The following PCSK5 variants were observed in gnomAD, a reference collection of about 807,000 sequenced individuals.
PCSK5 encodes prohormone convertase 5.
In PCSK5, 129 loss-of-function variants were observed where a neutral mutation model predicts 233.2. The observed-to-expected ratio is 0.55, with a 90% CI of 0.48 to 0.64. The LOEUF is 0.64. PCSK5 is among the 30% of genes least tolerant of loss of function. The pLI, the probability that PCSK5 is intolerant of heterozygous loss-of-function variation, is 0.00. For synonymous variants in PCSK5, 825 were observed against 879.2 expected (o/e 0.94, Z 1.09); for missense variants, 2,076 against 2,430.1 (o/e 0.85, Z 3.06).
At chr9:76,294,102 C>T (rs1461256507) in intron 25 of PCSK5, among the ~76,000 whole-genome samples, 1 of 148,810 alleles carries the variant, frequency 6.7e-6, no homozygotes, top group African/African-American at 2.5e-5. Context: ...GAAGCTGAGG[C>T]AAGAGAATCA....
chr9:76,072,559 T>C (rs2131604734), intron 7 of PCSK5, among the ~76,000 whole-genome samples: 1 of 152,338 alleles, frequency 6.6e-6, no homozygotes, highest in Non-Finnish European at 1.5e-5. Flanking sequence ...GGAGGAGAGC[T>C]CCACCAGAAG....
chr9:76,329,306 C>A (rs1312091601), intron 33 of PCSK5, among the ~76,000 whole-genome samples: 1 of 151,696 alleles, frequency 6.6e-6, no homozygotes, highest in African/African-American at 2.4e-5. Context: ...ATGCCTGGCC[C>A]TTCCATGTCA....
intron 9 of PCSK5, among the ~76,000 whole-genome samples, 157 bp from the exon 10 acceptor site, chr9:76,133,952 C>T (rs1341566043): frequency 6.6e-6 from 1 of 152,022 alleles, no homozygotes; most frequent in Non-Finnish European, 1.5e-5. Context: ...AGAACAAGAG[C>T]GGCATTTGGC....
At chr9:75,986,341 G>T in intron 3 of PCSK5, 96 bp downstream of exon 3, 1 of 746,016 alleles carries the variant, frequency 1.3e-6, no homozygotes, top group South Asian at 1.6e-5. Flanking sequence ...CAGAAATACT[G>T]ACCAGGGATT....
At chr9:76,108,076 C>T (rs546062407) in intron 9 of PCSK5, among the ~76,000 whole-genome samples, 3 of 152,258 alleles carry the variant, frequency 2.0e-5, no homozygotes, top group African/African-American at 7.2e-5. Flanking sequence ...GCCATAAACT[C>T]ATTTGAGGCT....
At chr9:76,026,893 C>A in intron 4 of PCSK5, 68 bp from the exon 5 acceptor site, 3 of 1,010,352 alleles carry the variant, frequency 3.0e-6, no homozygotes, top group Non-Finnish European at 4.6e-6. Context: ...AATGCATGAG[C>A]CTGTGGGTCA....
intron 1 of PCSK5, among the ~76,000 whole-genome samples, chr9:75,915,536 T>G (rs1382890815): frequency 6.6e-6 from 1 of 152,210 alleles, no homozygotes; most frequent in Admixed American, 6.5e-5. Flanking sequence ...TGACAGACCG[T>G]TGGCATGTTA....
intron 1 of PCSK5, among the ~76,000 whole-genome samples, chr9:75,928,959 C>T (rs1373848157): frequency 7.4e-6 from 1 of 135,642 alleles, no homozygotes; most frequent in African/African-American, 3.1e-5. Flanking sequence ...ATTTATGAGA[C>T]ACAGTCTTGC....
chr9:75,914,103 G>A (rs758081568), intron 1 of PCSK5, among the ~76,000 whole-genome samples: 10 of 152,120 alleles, frequency 6.6e-5, no homozygotes, highest in Admixed American at 1.3e-4. Flanking sequence ...TCTACAAATC[G>A]TGTCACAAAT....
At chr9:75,930,120 C>T (rs1292307111) in intron 1 of PCSK5, among the ~76,000 whole-genome samples, 1 of 152,136 alleles carries the variant, frequency 6.6e-6, no homozygotes, top group Non-Finnish European at 1.5e-5. Context: ...ATTTCGGCCT[C>T]CCAAAGTGCT....
chr9:76,116,189 A>G (rs566915657), intron 9 of PCSK5, among the ~76,000 whole-genome samples: 1 of 152,110 alleles, frequency 6.6e-6, no homozygotes, highest in Non-Finnish European at 1.5e-5. Flanking sequence ...CATCAACAAG[A>G]TGATTATGAC....
At chr9:75,908,917 ATCTATCTCTCTATCTCTCTCTCTG>A (rs1268465701) in intron 1 of PCSK5, among the ~76,000 whole-genome samples, 1 of 116,572 alleles carries the variant, frequency 8.6e-6, no homozygotes, top group African/African-American at 3.0e-5. Context: ...CTATCTATCT[ATCTATCTCTCTATCTCTCTCTCTG>A]TCTATCTATC....
At position 76,359,029 on chromosome 9, in the gene PCSK5, T is replaced by C. The variant is rs1830376357; in HGVS notation, c.*107T>C. ...CAGGCTGATGTGTGAGTTTTTCTAT[T>C]TGTCTTCTTTAACCATGAGTCCAAC... On this transcript the variant is annotated 3_prime_UTR_variant, in exon 38 of 38. Transcript: ENST00000674117. 1.6e-5 allele frequency: 14 copies of C among 861,068 alleles called. No individual in the cohort carries two copies. In the South Asian group the frequency reaches 2.0e-4, roughly 12 times the overall value. The allele number at this position is 861,068 out of a possible 1,614,324, so 53.3% of individuals were successfully genotyped here.
intron 24 of PCSK5, among the ~76,000 whole-genome samples, chr9:76,271,925 C>T (rs1177585677): frequency 1.3e-5 from 2 of 152,236 alleles, no homozygotes; most frequent in East Asian, 3.9e-4. Flanking sequence ...GTCTGTGTGT[C>T]TGTGTCTTCA....
intron 35 of PCSK5, among the ~76,000 whole-genome samples, chr9:76,341,161 A>G (rs564172307): frequency 5.3e-5 from 8 of 152,076 alleles, no homozygotes; most frequent in Non-Finnish European, 8.8e-5. Context: ...GGATGTCAAG[A>G]CAGCAGTGAG....
At chr9:76,055,619 A>G (rs899439878) in intron 5 of PCSK5, among the ~76,000 whole-genome samples, 2 of 152,178 alleles carry the variant, frequency 1.3e-5, no homozygotes, top group East Asian at 3.9e-4. Flanking sequence ...ATGAAGGAAT[A>G]TAGTCACTGC....
chr9:76,062,991 A>C (rs141027099), intron 5 of PCSK5, among the ~76,000 whole-genome samples: 1 of 151,932 alleles, frequency 6.6e-6, no homozygotes, highest in African/African-American at 2.4e-5. Context: ...CCATCATTCT[A>C]CTCCACATTC....
chr9:76,265,275 G>A (rs62564580), intron 24 of PCSK5, among the ~76,000 whole-genome samples: 7,753 of 151,998 alleles, frequency 0.051, 229 homozygotes, highest in Middle Eastern at 0.092. Flanking sequence ...GGAGGGAGGG[G>A]GAGGCGGGTT....
intron 12 of PCSK5, among the ~76,000 whole-genome samples, chr9:76,164,505 T>G (rs1483159004): frequency 6.6e-6 from 1 of 152,216 alleles, no homozygotes; most frequent in Non-Finnish European, 1.5e-5. Flanking sequence ...ATTTACACAG[T>G]GCTTCTCCAA....
Sources: allele counts gnomAD v4.1 joint callset (sites outside exome capture counted in the v4.1 genomes callset), GRCh38; gene constraint gnomAD v4.1.1; transcripts MANE v1.5; gene names NCBI Gene and HGNC (gene_info 2026-07-23, HGNC 2026-07-21).